ENPEP: variants seen among roughly 807,000 people sequenced by gnomAD.
ENPEP encodes glutamyl aminopeptidase.
A neutral mutation model predicts 114.5 loss-of-function variants in ENPEP; 103 were observed. That is an observed-to-expected ratio of 0.90 (90% CI 0.77 to 1.06). The LOEUF (loss-of-function observed/expected upper bound fraction) is 1.06, where lower values mean the gene tolerates loss of function less well. Among genes scored for constraint, ENPEP ranks in the 50% least tolerant of loss-of-function variants. ENPEP has a pLI of 0.00. For missense variants in ENPEP, 1,196 were observed against 1,161.3 expected (o/e 1.03, Z -0.43); for synonymous variants, 420 against 422.0 (o/e 1.00, Z 0.06).
intron 11 of ENPEP, among the ~76,000 whole-genome samples, chr4:110,538,518 G>A (rs1726729033): frequency 6.6e-6 from 1 of 152,120 alleles, no homozygotes; most frequent in South Asian, 2.1e-4. Flanking sequence ...GGTTAGTTTG[G>A]CCATCTATCC....
At chr4:110,549,483 G>GA (rs754283261) in intron 15 of ENPEP, 45 bp from the exon 16 acceptor site, 33 of 1,612,478 alleles carry the variant, frequency 2.0e-5, no homozygotes, top group Non-Finnish European at 2.7e-5. Flanking sequence ...AAGACTTGTT[G>GA]AAAAGTGCTT....
At chr4:110,533,636 G>T (rs1425095285) in intron 11 of ENPEP, among the ~76,000 whole-genome samples, 1 of 152,084 alleles carries the variant, frequency 6.6e-6, no homozygotes, top group African/African-American at 2.4e-5. Context: ...AGTATAAATG[G>T]GTGATAAAAA....
intron 10 of ENPEP, 94 bp from the exon 11 acceptor site, chr4:110,531,104 A>G: frequency 1.3e-6 from 1 of 754,832 alleles, no homozygotes; most frequent in Non-Finnish European, 1.9e-6. Flanking sequence ...TTAAAAGAAA[A>G]ATATACTTGT....
intron 3 of ENPEP, among the ~76,000 whole-genome samples, chr4:110,494,037 C>G (rs1283567543): frequency 6.6e-6 from 1 of 152,166 alleles, no homozygotes; most frequent in East Asian, 1.9e-4. Flanking sequence ...TAAACATGCA[C>G]ACACACAACC....
intron 3 of ENPEP, among the ~76,000 whole-genome samples, chr4:110,495,031 A>C (rs1724873590): frequency 6.6e-6 from 1 of 152,158 alleles, no homozygotes; most frequent in Non-Finnish European, 1.5e-5. Context: ...TATGTGAACA[A>C]ACTGTTGAGT....
rs76876716 is a variant in ENPEP at position 110,523,315 on chromosome 4, C to T, written c.1727+2949C>T. ...CTCTTGCTTGCTCTCTCTCACCTGC[C>T]GCCATGTAAAATGTCCCTCTCCCCC... On this transcript the variant is annotated intron_variant, in intron 10 of 19. Coordinates refer to ENST00000265162, the MANE Select transcript of ENPEP (RefSeq NM_001977.4). 5.4e-3 allele frequency among the ~76,000 whole-genome samples: 821 copies of T among 152,224 alleles called. 3 individuals are homozygous for T. The highest frequency in any genetic ancestry group is 8.2e-3 in the Non-Finnish European group (558 of 68,006).
At chr4:110,489,647 T>C (rs2110337279) in intron 2 of ENPEP, among the ~76,000 whole-genome samples, 1 of 152,292 alleles carries the variant, frequency 6.6e-6, no homozygotes, top group African/African-American at 2.4e-5. Context: ...AATTATTTGT[T>C]AACATAAAAC....
At chr4:110,498,053 T>C (rs66802274) in intron 3 of ENPEP, among the ~76,000 whole-genome samples, 22,582 of 152,262 alleles carry the variant, frequency 0.15, 1,798 homozygotes, top group Middle Eastern at 0.29. Flanking sequence ...TACCTCAGTA[T>C]TGATAATGAA....
chr4:110,477,134 T>G, intron 1 of ENPEP, 76 bp downstream of exon 1: 2 of 1,511,042 alleles, frequency 1.3e-6, no homozygotes, highest in Non-Finnish European at 1.8e-6. Context: ...CCTTTTCACT[T>G]TCCGCTTTTA....
chr4:110,504,117 C>A (rs1046844065), intron 3 of ENPEP, among the ~76,000 whole-genome samples: 1 of 152,146 alleles, frequency 6.6e-6, no homozygotes, highest in Non-Finnish European at 1.5e-5. Flanking sequence ...GGGGAAGGGA[C>A]CTTGGCAGTT....
intron 19 of ENPEP, among the ~76,000 whole-genome samples, chr4:110,560,159 A>G (rs1331238541): frequency 1.3e-5 from 2 of 152,158 alleles, no homozygotes; most frequent in Non-Finnish European, 2.9e-5. Flanking sequence ...TCCATGGTGT[A>G]TATGTGCCAC....
chr4:110,534,336 G>A (rs938065843), intron 11 of ENPEP, among the ~76,000 whole-genome samples: 12 of 151,872 alleles, frequency 7.9e-5, no homozygotes, highest in African/African-American at 2.9e-4. Context: ...AACATTTTCT[G>A]GCTACTCCAG....
At chr4:110,507,336 G>A (rs1393271048) in intron 4 of ENPEP, among the ~76,000 whole-genome samples, 1 of 152,166 alleles carries the variant, frequency 6.6e-6, no homozygotes, top group Non-Finnish European at 1.5e-5. Context: ...CCAAAATGGT[G>A]TGCATATGAC....
chr4:110,557,903 C>G (rs1012868460), intron 18 of ENPEP, among the ~76,000 whole-genome samples: 8 of 152,078 alleles, frequency 5.3e-5, no homozygotes, highest in Non-Finnish European at 1.0e-4. Context: ...TAAATTCATG[C>G]TGGCATATTT....
Position 110,509,715 on chromosome 4 carries a change from A to G in ENPEP, c.1102A>G (p.Arg368Gly). The change falls in exon 5 of 20, where the codon AGA (arginine) becomes GGA (glycine). Residue 368 changes from arginine (R) to glycine (G), a missense_variant. Coordinates refer to ENST00000265162, the MANE Select transcript of ENPEP (RefSeq NM_001977.4). Reference protein sequence around the residue: ...AMENWGLITYRETNLLYDPKE... With the variant: ...AMENWGLITYGETNLLYDPKE... Reference sequence around the variant, plus strand: ...GGAGAACTGGGGACTCATCACGTACAGAGAAACGAACCTGCTTTATGACCC... The same window carrying G: ...GGAGAACTGGGGACTCATCACGTACGGAGAAACGAACCTGCTTTATGACCC... 6.2e-7 allele frequency: 1 copy of G among 1,614,230 alleles called. No individual in the cohort carries two copies. The highest frequency in any genetic ancestry group is 8.5e-7 in the Non-Finnish European group (1 of 1,180,028).
chr4:110,537,058 A>T (rs1387026893), intron 11 of ENPEP, among the ~76,000 whole-genome samples: 1 of 152,226 alleles, frequency 6.6e-6, no homozygotes, highest in African/African-American at 2.4e-5. Context: ...GCTAACAATC[A>T]TCTAAGTCTT....
chr4:110,523,671 AT>A (rs1225870335), intron 10 of ENPEP, among the ~76,000 whole-genome samples: 2 of 152,216 alleles, frequency 1.3e-5, no homozygotes, highest in East Asian at 1.9e-4. Flanking sequence ...CATTTTTGTT[AT>A]GGTGGCAGAA....
At position 110,506,760 on chromosome 4, in the gene ENPEP, G is replaced by A; in HGVS notation, c.1039+3G>A. 1 of 1,538,836 alleles carries A rather than the reference G, an allele frequency of 6.5e-7. No homozygotes were observed. Among genetic ancestry groups the A allele is most frequent in the Non-Finnish European group, 8.8e-7 (1 of 1,130,660 alleles). ...GAATTATTCTCTTCCTAAATTAGGT[G>A]AGGATCATTTTTTAATTTTCTTATT... is the stretch of plus-strand genomic sequence containing the variant. On this transcript the variant is annotated splice_donor_region_variant and intron_variant, in intron 4 of 19. Coordinates refer to ENST00000265162, the MANE Select transcript of ENPEP (RefSeq NM_001977.4).
At chr4:110,552,219 C>T (rs1727317399) in intron 17 of ENPEP, among the ~76,000 whole-genome samples, 1 of 152,118 alleles carries the variant, frequency 6.6e-6, no homozygotes, top group African/African-American at 2.4e-5. Context: ...TGTCACTCTC[C>T]CATGCCATTT....
Sources: gnomAD v4.1 joint callset for allele counts (sites outside exome capture counted in the v4.1 genomes callset) on GRCh38, gnomAD v4.1.1 for gene constraint, MANE v1.5 for transcripts, NCBI Gene and HGNC (gene_info 2026-07-23, HGNC 2026-07-21) for gene names.